CRLF2: variants seen among roughly 807,000 people sequenced by gnomAD.
CRLF2 encodes the protein cytokine receptor like factor 2.
CRLF2 carries 41 observed loss-of-function variants against 38.7 expected under a neutral mutation model. The ratio of observed to expected loss-of-function variants is 1.06; its 90% CI spans 0.83 to 1.37. The LOEUF (loss-of-function observed/expected upper bound fraction) is 1.37, where lower values mean the gene tolerates loss of function less well. Ranked by LOEUF, CRLF2 falls within the 40% of genes most tolerant of loss-of-function variation. The pLI is 0.00. For synonymous variants in CRLF2, 140 were observed against 128.8 expected, an observed-to-expected ratio of 1.09 and a Z score of -0.59; for missense variants, 377 against 322.2, an observed-to-expected ratio of 1.17 and a Z score of -1.30.
chrX:1,199,456 A>C (rs1267323365), intron 4 of CRLF2, among the ~76,000 whole-genome samples: 2 of 151,932 alleles, frequency 1.3e-5, no homozygotes, highest in African/African-American at 4.8e-5. Context: ...AGGCACCACC[A>C]TGCTTGGCTA....
intron 3 of CRLF2, among the ~76,000 whole-genome samples, 158 bp from the exon 4 acceptor site, chrX:1,202,693 C>T (rs1388029843): frequency 6.6e-6 from 1 of 152,028 alleles, no homozygotes; most frequent in East Asian, 1.9e-4. Flanking sequence ...GGAGAAGCTT[C>T]CACCAGAGCT....
chrX:1,192,253 G>C (rs1167098650), intron 7 of CRLF2, among the ~76,000 whole-genome samples: 1 of 149,842 alleles, frequency 6.7e-6, no homozygotes, highest in Non-Finnish European at 1.5e-5. Context: ...ATAATGGGAA[G>C]TCAGAGTTGG....
At chrX:1,207,744 G>C (rs1341857605) in intron 2 of CRLF2, among the ~76,000 whole-genome samples, 3 of 151,468 alleles carry the variant, frequency 2.0e-5, no homozygotes, top group Non-Finnish European at 4.4e-5. Flanking sequence ...CCGTCTCCCA[G>C]GTTGAAGCGA....
intron 6 of CRLF2, among the ~76,000 whole-genome samples, chrX:1,195,440 C>T (rs1442474218): frequency 2.0e-5 from 3 of 151,964 alleles, no homozygotes; most frequent in African/African-American, 7.2e-5. Flanking sequence ...CAGGATCGTG[C>T]TCTGTCACCC....
At chrX:1,197,127 CTG>C (rs2086495186) in intron 5 of CRLF2, among the ~76,000 whole-genome samples, 1 of 132,830 alleles carries the variant, frequency 7.5e-6, no homozygotes, top group South Asian at 2.6e-4. Flanking sequence ...GAACCTCACT[CTG>C]TTGCCCAGGC....
intron 4 of CRLF2, among the ~76,000 whole-genome samples, chrX:1,199,983 A>G (rs1320441409): frequency 6.6e-6 from 1 of 151,340 alleles, no homozygotes. Context: ...GTGTGTATAT[A>G]CGTGTGTATA....
At chrX:1,205,635 T>TCA (rs2086678523) in intron 3 of CRLF2, among the ~76,000 whole-genome samples, 2 of 151,906 alleles carry the variant, frequency 1.3e-5, no homozygotes, top group African/African-American at 4.8e-5. Flanking sequence ...CATGAGCTTT[T>TCA]TTATTTATGG....
rs2086627141 is a variant in CRLF2, at chrX:1,202,538, G to A, written c.350-3C>T. On this transcript the variant is annotated splice_polypyrimidine_tract_variant and splice_region_variant and intron_variant, in intron 3 of 7. Coordinates refer to ENST00000400841, the MANE Select transcript of CRLF2 (RefSeq NM_022148.4). Reference sequence around the variant, plus strand: ...GTGCTTCGGGGAACTGGGTTTCACTGAGAAGAAGAAATAACGGAAGCGACG... The same window carrying A: ...GTGCTTCGGGGAACTGGGTTTCACTAAGAAGAAGAAATAACGGAAGCGACG... The A allele has an allele frequency of 3.1e-6, 5 of 1,613,584 alleles. No homozygotes were observed. The highest frequency in any genetic ancestry group is 4.2e-6 in the Non-Finnish European group (5 of 1,179,688).
chrX:1,197,601 G>C (rs9803521), intron 5 of CRLF2, among the ~76,000 whole-genome samples: 2,123 of 151,918 alleles, frequency 0.014, 31 homozygotes, highest in Admixed American at 0.038. Flanking sequence ...GGATCACAAG[G>C]TCAGGAGTTC....
At chrX:1,192,858 G>C (rs1313372667) in intron 7 of CRLF2, among the ~76,000 whole-genome samples, 1 of 146,716 alleles carries the variant, frequency 6.8e-6, no homozygotes, top group Non-Finnish European at 1.5e-5. Flanking sequence ...CTGTCACCCA[G>C]GCTGGAGTGC....
intron 4 of CRLF2, among the ~76,000 whole-genome samples, chrX:1,201,103 G>T (rs1569470072): frequency 6.6e-6 from 1 of 152,098 alleles, no homozygotes; most frequent in Non-Finnish European, 1.5e-5. Context: ...TAATGCAAGG[G>T]TAAGTATTTG....
rs1423467985 is a variant in CRLF2, at chrX:1,190,799, A to C, written c.*98T>G. ...TAGTCCTACCATCATTGGCGTGGAG[A>C]CTTCCCATCCATGGTGGTGTGGAGT... is the stretch of plus-strand genomic sequence containing the variant. On this transcript the variant is annotated 3_prime_UTR_variant, in exon 8 of 8. Coordinates refer to ENST00000400841, the MANE Select transcript of CRLF2 (RefSeq NM_022148.4). The C allele has an allele frequency of 7.5e-6, 3 of 398,444 alleles. No individual in the cohort carries two copies. Among genetic ancestry groups the C allele is most frequent in the African/African-American group, 6.2e-5 (3 of 48,628 alleles). 24.7% of individuals were successfully genotyped at this position (398,444 alleles called of 1,614,324 possible). A position where few individuals can be genotyped will look rare whatever the true frequency, so the allele number is the denominator to read the frequency against.
rs1361715287 is a variant in CRLF2 at position 1,198,748 on chromosome X, C to T, written c.484-24G>A. On this transcript the variant is annotated intron_variant, in intron 4 of 7. Transcript: ENST00000400841. ...GACTGGAGAAACATACACACACACA[C>T]ACACACACACACACACACACACACA... 3,029 of 1,202,660 alleles carry T rather than the reference C, an allele frequency of 2.5e-3. 143 individuals carry two copies. Among genetic ancestry groups the T allele is most frequent in the South Asian group, 0.022 (1,621 of 74,624 alleles). The allele number at this position is 1,202,660 out of a possible 1,614,324, so 74.5% of individuals were successfully genotyped here. A position where few individuals can be genotyped will look rare whatever the true frequency, so the allele number is the denominator to read the frequency against.
At chrX:1,196,359 T>C (rs2086475108) in intron 6 of CRLF2, among the ~76,000 whole-genome samples, 1 of 151,928 alleles carries the variant, frequency 6.6e-6, no homozygotes, top group African/African-American at 2.4e-5. Context: ...GGCTACTTTT[T>C]GTATTTTTAT....
At position 1,198,920 on chromosome X, in the gene CRLF2, G is replaced by A. The variant is rs192054554; in HGVS notation, c.484-196C>T. ...ACCCAACGCTTTGGGAGGCTGAGGC[G>A]GGTGGATCACCTGAGGTCGCAAGTT... On this transcript the variant is annotated intron_variant, in intron 4 of 7. Transcript: ENST00000400841. 1,800 of 620,918 alleles carry A rather than the reference G, an allele frequency of 2.9e-3. 6 individuals carry two copies. The highest frequency in any genetic ancestry group is 4.5e-3 in the Non-Finnish European group (1,565 of 350,960). 38.5% of individuals were successfully genotyped at this position (620,918 alleles called of 1,614,324 possible). A position where few individuals can be genotyped will look rare whatever the true frequency, so the allele number is the denominator to read the frequency against.
rs1357707529 is a variant in CRLF2 at position 1,199,076 on chromosome X, G to A, written c.484-352C>T. The A allele has an allele frequency of 2.0e-5, 8 of 402,106 alleles. 1 individual carries two copies. The Admixed American group carries it at 2.5e-4, about 12-fold the overall frequency. 24.9% of individuals were successfully genotyped at this position (402,106 alleles called of 1,614,324 possible). A position where few individuals can be genotyped will look rare whatever the true frequency, so the allele number is the denominator to read the frequency against. ...AGGCAGGAGAATCGCTTGAACCTGGGAGGCGAAGGTTGTAGCAAGCAGAGA... is the reference window on the plus strand; with the variant it reads ...AGGCAGGAGAATCGCTTGAACCTGGAAGGCGAAGGTTGTAGCAAGCAGAGA... On this transcript the variant is annotated intron_variant, in intron 4 of 7. Coordinates refer to ENST00000400841, the MANE Select transcript of CRLF2 (RefSeq NM_022148.4).
chrX:1,204,233 AATTT>A (rs2086656026), intron 3 of CRLF2, among the ~76,000 whole-genome samples: 1 of 143,468 alleles, frequency 7.0e-6, no homozygotes, highest in African/African-American at 2.5e-5. Context: ...TAATTTAATG[AATTT>A]ATTTATTTGA....
intron 5 of CRLF2, among the ~76,000 whole-genome samples, chrX:1,197,307 T>C (rs1191222202): frequency 1.2e-4 from 18 of 150,938 alleles, no homozygotes; most frequent in Admixed American, 5.3e-4. Flanking sequence ...TTTTAATGAA[T>C]GTTAGTGTCA....
Position 1,198,766 on chromosome X carries a change from C to T in CRLF2, c.484-42G>A, listed in dbSNP as rs188200953. On this transcript the variant is annotated intron_variant, in intron 4 of 7. Transcript: ENST00000400841. ...ACACACACACACACACACACACACA[C>T]ACACACACACACACACAATGATTAG... is the stretch of plus-strand genomic sequence containing the variant. 6.5e-4 allele frequency: 897 copies of T among 1,373,424 alleles called. 9 individuals carry two copies. The African/African-American group carries it at 0.011, about 16-fold the overall frequency. 85.1% of individuals were successfully genotyped at this position (1,373,424 alleles called of 1,614,324 possible). A position where few individuals can be genotyped will look rare whatever the true frequency, so the allele number is the denominator to read the frequency against.
Sources: allele counts gnomAD v4.1 joint callset (sites outside exome capture counted in the v4.1 genomes callset), GRCh38; gene constraint gnomAD v4.1.1; transcripts MANE v1.5; gene names NCBI Gene and HGNC (gene_info 2026-07-23, HGNC 2026-07-21).